The following NCAPG2 variants were observed in gnomAD, a reference collection of about 807,000 sequenced individuals.
NCAPG2 encodes the protein non-SMC condensin II complex subunit G2.
In NCAPG2, 53 loss-of-function variants were observed where a neutral mutation model predicts 141.1. That is an observed-to-expected ratio of 0.38 (90% CI 0.30 to 0.47). The LOEUF (loss-of-function observed/expected upper bound fraction) is 0.47, where lower values mean the gene tolerates loss of function less well. NCAPG2 is among the 20% of genes least tolerant of loss of function. The probability of loss-of-function intolerance (pLI) is 0.99; values close to 1 mark genes in which losing one functional copy is unlikely to be tolerated. For missense variants in NCAPG2, 1,087 were observed against 1,389.0 expected (o/e 0.78, Z 3.46); for synonymous variants, 499 against 490.7 (o/e 1.02, Z -0.22).
intron 11 of NCAPG2, among the ~76,000 whole-genome samples, chr7:158,675,919 G>A (rs1464004494): frequency 3.3e-5 from 5 of 152,176 alleles, no homozygotes; most frequent in Admixed American, 3.3e-4. Flanking sequence ...GTCATTCAGT[G>A]AGACCTGCAC....
chr7:158,661,095 T>C (rs568360493), intron 16 of NCAPG2, among the ~76,000 whole-genome samples: 37 of 152,296 alleles, frequency 2.4e-4, no homozygotes, highest in African/African-American at 8.2e-4. Flanking sequence ...AACAGACTAA[T>C]ACAATTTTGG....
At chr7:158,698,802 T>C (rs1420834552) in intron 2 of NCAPG2, among the ~76,000 whole-genome samples, 1 of 151,886 alleles carries the variant, frequency 6.6e-6, no homozygotes, top group Non-Finnish European at 1.5e-5. Context: ...TTTTTTTTTT[T>C]TGAGACAGGG....
intron 27 of NCAPG2, chr7:158,639,824 T>G (rs1048713885): frequency 1.0e-6 from 1 of 972,488 alleles, no homozygotes; most frequent in African/African-American, 1.8e-5. Flanking sequence ...CATTTAATCT[T>G]ATTTCAAACC....
At chr7:158,692,674 G>C (rs1387675694) in intron 4 of NCAPG2, among the ~76,000 whole-genome samples, 168 bp downstream of exon 4, 1 of 152,238 alleles carries the variant, frequency 6.6e-6, no homozygotes, top group South Asian at 2.1e-4. Flanking sequence ...CCGGGAGGCG[G>C]AGGTTGCGGT....
rs1203666437 is a variant in NCAPG2, at chr7:158,660,421, TTTTTTTTTA to T, written c.1989+1764_1989+1772del. Among the ~76,000 whole-genome samples, 71 of 95,792 alleles carry T rather than the reference TTTTTTTTTA, an allele frequency of 7.4e-4. 5 individuals carry two copies. In the East Asian group the frequency reaches 0.01, roughly 14 times the overall value. 62.8% of individuals were successfully genotyped at this position (95,792 alleles called of 152,430 possible). On this transcript the variant is annotated intron_variant, in intron 16 of 27. Transcript: ENST00000356309. The stretch of plus-strand genomic sequence containing the variant: ...GCTTTCTTTTTTTTTTTTTTTTTTT[TTTTTTTTTA>T]AAAGAGGCAGGGTCTCACTCTGTTG...
chr7:158,685,669 A>C (rs909768028), intron 8 of NCAPG2, among the ~76,000 whole-genome samples: 2 of 152,152 alleles, frequency 1.3e-5, no homozygotes, highest in Non-Finnish European at 2.9e-5. Flanking sequence ...AAGTCTGTAC[A>C]TGTTAAGTAC....
intron 7 of NCAPG2, 92 bp from the exon 8 acceptor site, chr7:158,686,333 GAAGA>G: frequency 1.4e-6 from 1 of 707,188 alleles, no homozygotes; most frequent in Non-Finnish European, 2.2e-6. Context: ...CCATAGTGAA[GAAGA>G]AACTCAGTTT....
In NCAPG2 at chr7:158,664,556, G is replaced by C; in HGVS notation, c.1674C>G (p.Ala558=). The change falls in exon 14 of 28, where the codon GCC becomes GCG. Residue 558 remains alanine, a synonymous_variant. Coordinates refer to ENST00000356309, the MANE Select transcript of NCAPG2 (RefSeq NM_017760.7). ...TGTTGGTGCAGGCGGTGTGTTCGTGGGCGTACTGATAGAACCTCCTGGCAG... is the reference window on the plus strand; with the variant it reads ...TGTTGGTGCAGGCGGTGTGTTCGTGCGCGTACTGATAGAACCTCCTGGCAG... ...HAAARRFYQY[A]HEHTACTNIA... is the part of the protein sequence containing the mutation. 6.2e-7 allele frequency: 1 copy of C among 1,614,080 alleles called. No individual in the cohort carries two copies. Among genetic ancestry groups the C allele is most frequent in the Non-Finnish European group, 8.5e-7 (1 of 1,180,018 alleles).
At chr7:158,696,793 C>A (rs1835475471) in intron 2 of NCAPG2, 1 of 152,250 alleles carries the variant, frequency 6.6e-6, no homozygotes, top group Admixed American at 6.5e-5. Context: ...TCGGCCTTTC[C>A]CATTCCTTTT....
Position 158,655,112 on chromosome 7 carries a change from T to C in NCAPG2, c.2646+6A>G. The C allele has an allele frequency of 6.2e-7, 1 of 1,606,270 alleles. No homozygotes were observed. The highest frequency in any genetic ancestry group is 1.1e-5 in the South Asian group (1 of 90,024). ...AGAAAGTTTTCTGTGTCTTAAGACT[T>C]CTAACCTGGATAATTTGCTGATAAA... On this transcript the variant is annotated splice_donor_region_variant and intron_variant, in intron 21 of 27. Coordinates refer to ENST00000356309, the MANE Select transcript of NCAPG2 (RefSeq NM_017760.7).
chr7:158,645,665 C>T, intron 25 of NCAPG2, 46 bp from the exon 26 acceptor site: 1 of 1,526,046 alleles, frequency 6.6e-7, no homozygotes, highest in Non-Finnish European at 9.1e-7. Context: ...TCATATAGAC[C>T]CTAATACATT....
rs1393612094 is a variant in NCAPG2, at chr7:158,679,820, C to T, written c.1146+140G>A. On this transcript the variant is annotated intron_variant, in intron 11 of 27. Coordinates refer to ENST00000356309, the MANE Select transcript of NCAPG2 (RefSeq NM_017760.7). Reference sequence around the variant, plus strand: ...GGAGAAGTGGCATCTCTCTGAAGAACAGTCCAGGTTTAGAAACCATGCCAT... The same window carrying T: ...GGAGAAGTGGCATCTCTCTGAAGAATAGTCCAGGTTTAGAAACCATGCCAT... 5.4e-6 allele frequency: 6 copies of T among 1,109,496 alleles called. No homozygotes were observed. The East Asian group carries it at 9.9e-5, about 18-fold the overall frequency. 68.7% of individuals were successfully genotyped at this position (1,109,496 alleles called of 1,614,324 possible).
intron 27 of NCAPG2, among the ~76,000 whole-genome samples, chr7:158,632,461 C>T (rs1272720169): frequency 6.6e-6 from 1 of 152,214 alleles, no homozygotes; most frequent in Non-Finnish European, 1.5e-5. Context: ...TGTTCCATTA[C>T]AGGGCACTCC....
Position 158,680,057 on chromosome 7 carries a change from G to C in NCAPG2, c.1049C>G (p.Ala350Gly). The C allele has an allele frequency of 3.1e-6, 5 of 1,613,942 alleles. No homozygotes were observed. Among genetic ancestry groups the C allele is most frequent in the Non-Finnish European group, 4.2e-6 (5 of 1,179,852 alleles). Residue 350 changes from alanine (A) to glycine (G), a missense_variant, in exon 11 of 28, where the codon GCT (alanine) becomes GGT (glycine). Coordinates refer to ENST00000356309, the MANE Select transcript of NCAPG2 (RefSeq NM_017760.7). Reference protein sequence around the residue: ...KARNSEVRSNAALLFVEAFPI... With the variant: ...KARNSEVRSNGALLFVEAFPI... ...AAATGCTTCAACAAACAACAATGCA[G>C]CATTTGATCGAACTTCAGAGTTTCT...
intron 8 of NCAPG2, 103 bp from the exon 9 acceptor site, chr7:158,683,489 C>G (rs1054880555): frequency 1.5e-5 from 10 of 652,906 alleles, no homozygotes; most frequent in Non-Finnish European, 2.4e-5. Flanking sequence ...ACCTGTCCAT[C>G]TTATATTTCA....
Position 158,644,463 on chromosome 7 carries a change from G to T in NCAPG2, c.3281-75C>A, listed in dbSNP as rs1157099310. ...AAGACAAACACTCTGGTACACATGT[G>T]GTACAACTTCCCTAAGCTGGGCCTC... On this transcript the variant is annotated intron_variant, in intron 26 of 27. Transcript: ENST00000356309. 20 of 1,295,906 alleles carry T rather than the reference G, an allele frequency of 1.5e-5. No individual in the cohort carries two copies. In the Admixed American group the frequency reaches 2.9e-4, roughly 19 times the overall value. The allele number at this position is 1,295,906 out of a possible 1,614,324, so 80.3% of individuals were successfully genotyped here. A position where few individuals can be genotyped will look rare whatever the true frequency, so the allele number is the denominator to read the frequency against.
chr7:158,639,426 CAATT>C (rs1410675558), intron 27 of NCAPG2, among the ~76,000 whole-genome samples: 1 of 152,098 alleles, frequency 6.6e-6, no homozygotes, highest in Non-Finnish European at 1.5e-5. Context: ...CATTTTATAA[CAATT>C]AATTCAGTGG....
intron 27 of NCAPG2, among the ~76,000 whole-genome samples, chr7:158,636,087 A>G (rs1009724620): frequency 1.3e-5 from 2 of 152,104 alleles, no homozygotes; most frequent in African/African-American, 4.8e-5. Context: ...TCTTAAAGGG[A>G]GGAGCTCTTT....
intron 13 of NCAPG2, among the ~76,000 whole-genome samples, chr7:158,665,677 C>T (rs1054643114): frequency 2.0e-5 from 3 of 152,180 alleles, no homozygotes; most frequent in Admixed American, 6.5e-5. Flanking sequence ...TTCCCTCCCC[C>T]TTGTCAGTCG....
Sources: gnomAD v4.1 joint callset for allele counts (sites outside exome capture counted in the v4.1 genomes callset) on GRCh38, gnomAD v4.1.1 for gene constraint, MANE v1.5 for transcripts, NCBI Gene and HGNC (gene_info 2026-07-23, HGNC 2026-07-21) for gene names.